CDH13: variants seen among roughly 807,000 people sequenced by gnomAD.
CDH13 encodes cadherin 13, also known as cadherin-13.
Under a neutral mutation model 63.8 loss-of-function variants are expected in CDH13, and 24 were observed. The observed-to-expected ratio is 0.38, with a 90% CI of 0.27 to 0.53. The LOEUF (loss-of-function observed/expected upper bound fraction) is 0.53. CDH13 is among the 20% of genes least tolerant of loss of function. The pLI is 0.85. For synonymous variants in CDH13, 503 were observed against 355.3 expected, an observed-to-expected ratio of 1.42 and a Z score of -4.67; for missense variants, 1,049 against 903.1, an observed-to-expected ratio of 1.16 and a Z score of -2.07.
intron 7 of CDH13, among the ~76,000 whole-genome samples, chr16:83,556,054 T>C (rs773567531): frequency 5.3e-5 from 8 of 152,206 alleles, no homozygotes; most frequent in Non-Finnish European, 7.3e-5. Context: ...CCAGTATTAA[T>C]TTTAAATGAC....
chr16:82,630,903 G>T (rs1907927001), intron 1 of CDH13, among the ~76,000 whole-genome samples: 1 of 152,036 alleles, frequency 6.6e-6, no homozygotes, highest in African/African-American at 2.4e-5. Context: ...TCCAGAAGAG[G>T]GCTCCATCCA....
intron 10 of CDH13, among the ~76,000 whole-genome samples, chr16:83,744,403 T>C (rs1281941345): frequency 1.3e-5 from 2 of 152,238 alleles, no homozygotes; most frequent in Non-Finnish European, 2.9e-5. Flanking sequence ...GAAAGCCTGG[T>C]GTTTTTAAAG....
intron 6 of CDH13, among the ~76,000 whole-genome samples, chr16:83,388,316 TG>T (rs1363451443): frequency 1.4e-5 from 2 of 147,982 alleles, no homozygotes; most frequent in Non-Finnish European, 3.0e-5. Context: ...TAGCCAGGCA[TG>T]GTGGTAATGC....
At chr16:83,215,545 A>T (rs2039472516) in intron 4 of CDH13, among the ~76,000 whole-genome samples, 1 of 150,706 alleles carries the variant, frequency 6.6e-6, no homozygotes, top group Non-Finnish European at 1.5e-5. Context: ...CTGCCAGATG[A>T]ACCCTGGCGT....
At chr16:83,439,596 A>C (rs965363820) in intron 6 of CDH13, among the ~76,000 whole-genome samples, 16 of 152,214 alleles carry the variant, frequency 1.1e-4, no homozygotes, top group African/African-American at 3.9e-4. Flanking sequence ...ATTGGCAAAG[A>C]AGCAGCTATT....
chr16:83,625,849 C>T (rs1033246454), intron 8 of CDH13, among the ~76,000 whole-genome samples: 8 of 152,118 alleles, frequency 5.3e-5, no homozygotes, highest in South Asian at 2.1e-4. Context: ...TACCCTTTTA[C>T]GTAAGCCACG....
chr16:83,314,142 T>G (rs779929225), intron 5 of CDH13, among the ~76,000 whole-genome samples: 5 of 152,230 alleles, frequency 3.3e-5, no homozygotes, highest in Non-Finnish European at 5.9e-5. Flanking sequence ...GAGCTATGCA[T>G]GTTGTGTCTA....
chr16:83,438,281 T>G lies in CDH13; in HGVS notation c.782-48196T>G, dbSNP rs191685417. Among the ~76,000 whole-genome samples the G allele has an allele frequency of 1.9e-3, 296 of 152,326 alleles. 3 individuals carry two copies. The highest frequency in any genetic ancestry group is 6.8e-3 in the African/African-American group (283 of 41,580). On this transcript the variant is annotated intron_variant, in intron 6 of 13. Coordinates refer to ENST00000567109, the MANE Select transcript of CDH13 (RefSeq NM_001257.5). ...CCATCACCCCAACTGCAGGAATCATTTGCAGCTCATGGACATTTTGGATCA... is the reference window on the plus strand; with the variant it reads ...CCATCACCCCAACTGCAGGAATCATGTGCAGCTCATGGACATTTTGGATCA...
intron 1 of CDH13, among the ~76,000 whole-genome samples, chr16:82,682,867 C>T (rs1914691997): frequency 6.6e-6 from 1 of 152,282 alleles, no homozygotes; most frequent in South Asian, 2.1e-4. Flanking sequence ...GAGCCATGAC[C>T]CAGCCACAGT....
chr16:82,958,261 C>T (rs187769423), intron 2 of CDH13, among the ~76,000 whole-genome samples: 10 of 152,296 alleles, frequency 6.6e-5, no homozygotes, highest in East Asian at 1.9e-4. Flanking sequence ...ATAGCTGAGA[C>T]GCTTCACCTA....
intron 7 of CDH13, among the ~76,000 whole-genome samples, chr16:83,574,750 T>G (rs965430868): frequency 6.6e-6 from 1 of 152,192 alleles, no homozygotes; most frequent in Non-Finnish European, 1.5e-5. Flanking sequence ...AAGATTCCCA[T>G]GTAACAACAA....
intron 4 of CDH13, among the ~76,000 whole-genome samples, chr16:83,176,714 G>A (rs2038138967): frequency 9.2e-5 from 14 of 152,096 alleles, no homozygotes; most frequent in Admixed American, 9.2e-4. Flanking sequence ...GGGTTGGGGT[G>A]GGTATATATT....
intron 7 of CDH13, among the ~76,000 whole-genome samples, chr16:83,542,982 A>G (rs1165331521): frequency 6.6e-6 from 1 of 152,270 alleles, no homozygotes; most frequent in Non-Finnish European, 1.5e-5. Context: ...TACAACAGCA[A>G]GTGATACTGA....
chr16:83,298,047 CAAAA>C (rs71382871), intron 5 of CDH13, among the ~76,000 whole-genome samples: 2 of 99,772 alleles, frequency 2.0e-5, no homozygotes, highest in African/African-American at 7.4e-5. Context: ...CTTGTTTCTA[CAAAA>C]AAAAAAAAAA....
chr16:82,907,659 T>A (rs979457452), intron 2 of CDH13, among the ~76,000 whole-genome samples: 4 of 152,182 alleles, frequency 2.6e-5, no homozygotes, highest in Admixed American at 2.0e-4. Context: ...TTGCCTCACA[T>A]TGATTTTCTG....
chr16:83,415,690 G>C (rs1374530874), intron 6 of CDH13, among the ~76,000 whole-genome samples: 1 of 152,060 alleles, frequency 6.6e-6, no homozygotes, highest in Non-Finnish European at 1.5e-5. Context: ...AAAAGTACTT[G>C]ACAAAATTCA....
intron 1 of CDH13, among the ~76,000 whole-genome samples, chr16:82,712,840 C>T (rs1225468785): frequency 4.6e-5 from 7 of 152,114 alleles, no homozygotes; most frequent in Non-Finnish European, 1.0e-4. Flanking sequence ...ATCAGCTTCT[C>T]CCCTAGGGCT....
chr16:83,274,771 G>C (rs1021228879), intron 5 of CDH13, among the ~76,000 whole-genome samples: 3 of 152,148 alleles, frequency 2.0e-5, no homozygotes. Context: ...CCCCACGCCA[G>C]ATCTACTACT....
chr16:83,510,501 A>G (rs372351610), intron 7 of CDH13, among the ~76,000 whole-genome samples: 2 of 152,206 alleles, frequency 1.3e-5, no homozygotes, highest in Admixed American at 6.5e-5. Context: ...TCATTTCTCA[A>G]AATGCTACCA....
Sources: allele counts gnomAD v4.1 joint callset (sites outside exome capture counted in the v4.1 genomes callset), GRCh38; gene constraint gnomAD v4.1.1; transcripts MANE v1.5; gene names NCBI Gene and HGNC (gene_info 2026-07-23, HGNC 2026-07-21).